The following ADAM2 variants were observed in gnomAD, a reference collection of about 807,000 sequenced individuals.
The protein encoded by ADAM2 is ADAM metallopeptidase domain 2.
Under a neutral mutation model 99.3 loss-of-function variants are expected in ADAM2, and 101 were observed. The observed-to-expected ratio is 1.02, with a 90% CI of 0.87 to 1.20. The LOEUF is 1.20. Among genes scored for constraint, ADAM2 ranks in the 50% most tolerant of loss-of-function variants. The pLI is 0.00. For missense variants in ADAM2, 948 were observed against 878.7 expected (o/e 1.08, Z -1.00); for synonymous variants, 323 against 287.6 (o/e 1.12, Z -1.25).
intron 15 of ADAM2, among the ~76,000 whole-genome samples, chr8:39,760,157 C>T (rs747683205): frequency 6.6e-6 from 1 of 151,984 alleles, no homozygotes; most frequent in Non-Finnish European, 1.5e-5. Context: ...ATGAGCTACC[C>T]CGCCCGGTCT....
chr8:39,755,093 G>A (rs991822833), intron 16 of ADAM2, among the ~76,000 whole-genome samples: 6 of 151,856 alleles, frequency 4.0e-5, no homozygotes, highest in Non-Finnish European at 4.4e-5. Flanking sequence ...TATTTTAATG[G>A]CTATTTTAAA....
chr8:39,824,053 G>A (rs2129588434), intron 4 of ADAM2, among the ~76,000 whole-genome samples: 1 of 152,260 alleles, frequency 6.6e-6, no homozygotes, highest in East Asian at 1.9e-4. Flanking sequence ...GGAGGCCAAG[G>A]CAGGTGGATC....
chr8:39,806,182 T>C (rs559063831), intron 7 of ADAM2, among the ~76,000 whole-genome samples: 27 of 151,950 alleles, frequency 1.8e-4, no homozygotes, highest in Non-Finnish European at 3.1e-4. Flanking sequence ...TGTTGGAACA[T>C]AGACTCTGAC....
chr8:39,788,136 C>T lies in ADAM2; in HGVS notation c.758G>A (p.Trp253Ter). The T allele has an allele frequency of 6.3e-7, 1 of 1,576,746 alleles. No homozygotes were observed. The change falls in exon 9 of 21, where the codon TGG (tryptophan) becomes TAG (stop). Residue 253 changes from tryptophan (W) to a stop codon, truncating the protein, a stop_gained. Transcript: ENST00000265708. LOFTEE classifies it high-confidence loss of function. ...ANELLHTFLR[W>*]KTSYLVLRPH... ...ACGTAAAACAAGATAAGATGTTTTC[C>T]ATCTTAAAAATGTGTGTAATAACTC...
At chr8:39,750,330 C>T (rs1301057595) in intron 16 of ADAM2, among the ~76,000 whole-genome samples, 1 of 151,834 alleles carries the variant, frequency 6.6e-6, no homozygotes, top group Non-Finnish European at 1.5e-5. Flanking sequence ...CATCAGTGAA[C>T]AACACAAATC....
At chr8:39,790,825 T>A (rs781432364) in intron 7 of ADAM2, among the ~76,000 whole-genome samples, 6 of 151,836 alleles carry the variant, frequency 4.0e-5, no homozygotes, top group Non-Finnish European at 5.9e-5. Flanking sequence ...AAAGGGCCTT[T>A]GGAAAGGGAA....
chr8:39,824,953 AT>A, intron 3 of ADAM2, 56 bp from the exon 4 acceptor site: 1 of 786,744 alleles, frequency 1.3e-6, no homozygotes, highest in East Asian at 2.5e-5. Context: ...GTTTTGAAAC[AT>A]TTATTTTATT....
intron 7 of ADAM2, among the ~76,000 whole-genome samples, chr8:39,806,935 A>T (rs1804465336): frequency 6.6e-6 from 1 of 152,194 alleles, no homozygotes; most frequent in East Asian, 1.9e-4. Flanking sequence ...GGATGGAACG[A>T]TACAGGTGAA....
chr8:39,785,458 G>A (rs1803426432), intron 10 of ADAM2, among the ~76,000 whole-genome samples: 1 of 152,200 alleles, frequency 6.6e-6, no homozygotes, highest in Admixed American at 6.5e-5. Context: ...GCAGTTTGGA[G>A]AGTTCTCAAA....
intron 7 of ADAM2, among the ~76,000 whole-genome samples, chr8:39,798,880 G>A (rs1804087371): frequency 2.0e-5 from 3 of 152,016 alleles, no homozygotes; most frequent in Admixed American, 1.3e-4. Context: ...TGGGGTCAGT[G>A]GTGATATCCC....
At chr8:39,837,360 G>T in intron 1 of ADAM2, 148 bp from the exon 2 acceptor site, 6 of 549,924 alleles carry the variant, frequency 1.1e-5, no homozygotes, top group Non-Finnish European at 1.5e-5. Context: ...AATACAAGGA[G>T]GTTTTTTTTT....
intron 4 of ADAM2, among the ~76,000 whole-genome samples, chr8:39,823,936 A>G (rs547959206): frequency 5.3e-5 from 8 of 152,274 alleles, no homozygotes; most frequent in African/African-American, 1.9e-4. Flanking sequence ...GAAATCAAGA[A>G]CAACAAATGG....
intron 2 of ADAM2, among the ~76,000 whole-genome samples, chr8:39,834,558 C>G (rs1231411769): frequency 6.6e-6 from 1 of 151,786 alleles, no homozygotes; most frequent in Non-Finnish European, 1.5e-5. Flanking sequence ...CATGGTGAAA[C>G]CCCATCTCTA....
At chr8:39,824,750 T>A (rs889193388) in intron 4 of ADAM2, 69 bp downstream of exon 4, 2 of 825,936 alleles carry the variant, frequency 2.4e-6, no homozygotes, top group Admixed American at 4.4e-5. Flanking sequence ...TCTAATAACA[T>A]GTGGACACTA....
chr8:39,830,602 T>C (rs1805573316), intron 3 of ADAM2, among the ~76,000 whole-genome samples: 1 of 152,172 alleles, frequency 6.6e-6, no homozygotes, highest in Admixed American at 6.6e-5. Context: ...GAAAGTAAGA[T>C]GGATTCTGGA....
intron 6 of ADAM2, 24 bp downstream of exon 6, chr8:39,820,978 G>T: frequency 6.8e-7 from 1 of 1,478,940 alleles, no homozygotes; most frequent in South Asian, 1.3e-5. Flanking sequence ...AATAACCATA[G>T]AGTTTGTTCA....
At chr8:39,827,036 C>A (rs1330053107) in intron 3 of ADAM2, among the ~76,000 whole-genome samples, 2 of 148,206 alleles carry the variant, frequency 1.3e-5, no homozygotes, top group African/African-American at 4.9e-5. Flanking sequence ...TATAGGAATA[C>A]AAACAACTCA....
intron 18 of ADAM2, among the ~76,000 whole-genome samples, chr8:39,746,886 AT>A (rs1196388184): frequency 1.3e-5 from 2 of 151,944 alleles, no homozygotes; most frequent in East Asian, 1.9e-4. Flanking sequence ...TTCATGAAGA[AT>A]TTTTTTTGTG....
At chr8:39,771,467 T>C (rs202006) in intron 11 of ADAM2, among the ~76,000 whole-genome samples, 27,668 of 152,102 alleles carry the variant, frequency 0.18, 2,819 homozygotes, top group East Asian at 0.28. Context: ...AATTTTGTTA[T>C]AATTTTGATT....
Sources: allele counts gnomAD v4.1 joint callset (sites outside exome capture counted in the v4.1 genomes callset), GRCh38; gene constraint gnomAD v4.1.1; transcripts MANE v1.5; gene names NCBI Gene and HGNC (gene_info 2026-07-23, HGNC 2026-07-21).